Variants in MYO1D observed in about 807,000 individuals in gnomAD.
The protein encoded by MYO1D is unconventional myosin-Id.
A neutral mutation model predicts 122.0 loss-of-function variants in MYO1D; 83 were observed. That is an observed-to-expected ratio of 0.68 (90% confidence interval 0.57 to 0.82). The LOEUF (loss-of-function observed/expected upper bound fraction) is 0.82, where lower values mean the gene tolerates loss of function less well. Among genes scored for constraint, MYO1D ranks in the 40% least tolerant of loss-of-function variants. The pLI is 0.00. For missense variants in MYO1D, 1,157 were observed against 1,269.5 expected, an observed-to-expected ratio of 0.91 and a Z score of 1.35; for synonymous variants, 464 against 446.9, an observed-to-expected ratio of 1.04 and a Z score of -0.48.
intron 21 of MYO1D, among the ~76,000 whole-genome samples, chr17:32,509,074 C>T (rs1482960955): frequency 2.0e-5 from 3 of 152,238 alleles, no homozygotes; most frequent in Non-Finnish European, 2.9e-5. Flanking sequence ...TGGCCTCACC[C>T]ATCTTCACAG....
chr17:32,525,715 C>A (rs942581467), intron 21 of MYO1D, among the ~76,000 whole-genome samples: 1 of 152,170 alleles, frequency 6.6e-6, no homozygotes, highest in Non-Finnish European at 1.5e-5. Context: ...GCCCTCCCTG[C>A]AGTTTCTAAT....
chr17:32,662,724 T>C (rs1314748605), intron 16 of MYO1D, among the ~76,000 whole-genome samples: 2 of 151,976 alleles, frequency 1.3e-5, no homozygotes, highest in Admixed American at 6.6e-5. Flanking sequence ...TTCTGTGCCT[T>C]AGTTTTCTTA....
At chr17:32,496,530 G>A (rs1420905311) in intron 21 of MYO1D, among the ~76,000 whole-genome samples, 2 of 152,214 alleles carry the variant, frequency 1.3e-5, no homozygotes, top group Non-Finnish European at 2.9e-5. Flanking sequence ...GGGCACCAGG[G>A]CCGCTCTGCA....
At position 32,692,041 on chromosome 17, in the gene MYO1D, C is replaced by T. The variant is rs190002564; in HGVS notation, c.2121+19947G>A. Among the ~76,000 whole-genome samples, 12 of 152,154 alleles carry T rather than the reference C, an allele frequency of 7.9e-5. No individual in the cohort carries two copies. In the East Asian group the frequency reaches 2.3e-3, roughly 29 times the overall value. ...TATCTATCTCATTTCTTAGGAGGGA[C>T]CTTTTGTATATTAAAGGTATTCATA... is the stretch of plus-strand genomic sequence containing the variant. On this transcript the variant is annotated intron_variant, in intron 16 of 21. Transcript: ENST00000318217.
chr17:32,697,444 C>A (rs1470586182), intron 16 of MYO1D, among the ~76,000 whole-genome samples: 4 of 152,094 alleles, frequency 2.6e-5, no homozygotes, highest in African/African-American at 9.7e-5. Context: ...CATAAATATT[C>A]CCCATCAATA....
chr17:32,499,995 TAAAC>T (rs1216784462), intron 21 of MYO1D, among the ~76,000 whole-genome samples: 3 of 152,084 alleles, frequency 2.0e-5, no homozygotes, highest in African/African-American at 7.2e-5. Context: ...AAATAAAAAA[TAAAC>T]AACCCTACAA....
chr17:32,576,985 C>T (rs530548138), intron 21 of MYO1D, among the ~76,000 whole-genome samples: 1 of 152,096 alleles, frequency 6.6e-6, no homozygotes, highest in Non-Finnish European at 1.5e-5. Context: ...CATGGTGGCT[C>T]ACGCCTGTAA....
intron 21 of MYO1D, among the ~76,000 whole-genome samples, chr17:32,556,260 T>C (rs1460225234): frequency 1.3e-5 from 2 of 152,234 alleles, no homozygotes. Context: ...CCTATATTTT[T>C]CTAACTTAAT....
chr17:32,842,212 G>C (rs2090889688), intron 1 of MYO1D, among the ~76,000 whole-genome samples: 2 of 152,064 alleles, frequency 1.3e-5, no homozygotes, highest in Non-Finnish European at 2.9e-5. Flanking sequence ...GGGAAGACAG[G>C]GATACAATGG....
rs542181461 is a variant in MYO1D at position 32,589,501 on chromosome 17, T to G, written c.2864+15586A>C. ...CAGGGAGTAGGGCAATGTAAGGATG[T>G]GGTGCCTCTCGTCGGACCATGCAGA... On this transcript the variant is annotated intron_variant, in intron 21 of 21. Transcript: ENST00000318217. Among the ~76,000 whole-genome samples the G allele has an allele frequency of 3.9e-5, 6 of 152,314 alleles. No individual in the cohort carries two copies. The South Asian group carries it at 1.2e-3, about 32-fold the overall frequency.
intron 14 of MYO1D, among the ~76,000 whole-genome samples, chr17:32,726,816 T>C (rs1335238233): frequency 6.6e-6 from 1 of 151,662 alleles, no homozygotes; most frequent in Non-Finnish European, 1.5e-5. Flanking sequence ...ACCAAATATA[T>C]TTTGGTATAT....
chr17:32,615,404 G>A (rs2087758256), intron 20 of MYO1D, among the ~76,000 whole-genome samples: 1 of 152,186 alleles, frequency 6.6e-6, no homozygotes, highest in Non-Finnish European at 1.5e-5. Context: ...TAACAAATGT[G>A]ATGATCTAGA....
At chr17:32,799,043 T>A (rs1264622191) in intron 1 of MYO1D, among the ~76,000 whole-genome samples, 2 of 152,206 alleles carry the variant, frequency 1.3e-5, no homozygotes, top group African/African-American at 2.4e-5. Context: ...AAGACAAACA[T>A]GATTTGGATA....
At position 32,627,965 on chromosome 17, in the gene MYO1D, C is replaced by T. The variant is rs142395308; in HGVS notation, c.2709+10757G>A. Among the ~76,000 whole-genome samples the T allele has an allele frequency of 1.7e-3, 252 of 152,294 alleles. 1 individual carries two copies. Among genetic ancestry groups the T allele is most frequent in the African/African-American group, 5.6e-3 (233 of 41,558 alleles). On this transcript the variant is annotated intron_variant, in intron 20 of 21. Transcript: ENST00000318217. ...GGCAGAAGTGCATTTATTCAAGCAA[C>T]ATGCTTCAGCCACGGGGAGCAATCT...
chr17:32,644,604 T>C lies in MYO1D; in HGVS notation c.2596-5769A>G, dbSNP rs1349075809. ...TTTATGAATCTGGGTGCTCCTATAT[T>C]GGGTGCATATATATTTAGGACAGTT... On this transcript the variant is annotated intron_variant, in intron 19 of 21. Transcript: ENST00000318217. 3.3e-5 allele frequency among the ~76,000 whole-genome samples: 5 copies of C among 152,208 alleles called. No homozygotes were observed. The South Asian group carries it at 6.2e-4, about 19-fold the overall frequency.
chr17:32,666,626 AG>A (rs2088638947), intron 16 of MYO1D, among the ~76,000 whole-genome samples: 1 of 152,362 alleles, frequency 6.6e-6, no homozygotes, highest in African/African-American at 2.4e-5. Flanking sequence ...ATTAAGAAGT[AG>A]GGCAATTATG....
At chr17:32,697,774 C>T (rs1017300272) in intron 16 of MYO1D, among the ~76,000 whole-genome samples, 6 of 152,142 alleles carry the variant, frequency 3.9e-5, no homozygotes, top group African/African-American at 1.4e-4. Flanking sequence ...CAGTGAATAA[C>T]TCAGAAGACA....
chr17:32,684,785 A>G (rs1174583679), intron 16 of MYO1D, among the ~76,000 whole-genome samples: 1 of 152,236 alleles, frequency 6.6e-6, no homozygotes, highest in Non-Finnish European at 1.5e-5. Flanking sequence ...ATGAATAAGC[A>G]TCAACTTGAA....
At chr17:32,501,409 T>C (rs1382864775) in intron 21 of MYO1D, among the ~76,000 whole-genome samples, 1 of 152,196 alleles carries the variant, frequency 6.6e-6, no homozygotes, top group East Asian at 1.9e-4. Flanking sequence ...AACACCCTCA[T>C]TCCCGAGGGG....
Sources: gnomAD v4.1 joint callset for allele counts (sites outside exome capture counted in the v4.1 genomes callset) on GRCh38, gnomAD v4.1.1 for gene constraint, MANE v1.5 for transcripts, NCBI Gene and HGNC (gene_info 2026-07-23, HGNC 2026-07-21) for gene names.